The following VWA8 variants were observed in gnomAD, a reference collection of about 807,000 sequenced individuals.
The protein encoded by VWA8 is von Willebrand factor A domain containing 8.
A neutral mutation model predicts 241.5 loss-of-function variants in VWA8; 221 were observed. That is an observed-to-expected ratio of 0.91 (90% confidence interval 0.82 to 1.02). The LOEUF is 1.02. Among genes scored for constraint, VWA8 ranks in the 50% least tolerant of loss-of-function variants. The pLI is 0.00. For synonymous variants in VWA8, 852 were observed against 827.1 expected (o/e 1.03, Z -0.52); for missense variants, 2,322 against 2,328.7 (o/e 1.00, Z 0.06).
At chr13:41,778,099 A>G in intron 19 of VWA8, 43 bp from the exon 20 acceptor site, 1 of 1,438,432 alleles carries the variant, frequency 7.0e-7, no homozygotes, top group South Asian at 1.3e-5. Flanking sequence ...TGTACAATCA[A>G]GGTTAAATAA....
intron 9 of VWA8, among the ~76,000 whole-genome samples, chr13:41,871,876 G>A (rs1253725752): frequency 6.6e-6 from 1 of 152,150 alleles, no homozygotes; most frequent in South Asian, 2.1e-4. Flanking sequence ...CTGAGAAATC[G>A]CCACACTGAC....
rs923788000 is a variant in VWA8, at chr13:41,823,645, G to A, written c.1701-4259C>T. ...TACAGGCATAGTATCTGGTGTATGT[G>A]GCCATCACACTATTTCTAACCACCA... On this transcript the variant is annotated intron_variant, in intron 14 of 44. Transcript: ENST00000379310. Among the ~76,000 whole-genome samples the A allele has an allele frequency of 2.0e-5, 3 of 152,190 alleles. No individual in the cohort carries two copies. In the South Asian group the frequency reaches 6.2e-4, roughly 32 times the overall value.
chr13:41,696,648 C>A (rs1185434799), intron 29 of VWA8, among the ~76,000 whole-genome samples: 1 of 152,116 alleles, frequency 6.6e-6, no homozygotes, highest in African/African-American at 2.4e-5. Flanking sequence ...GAGAGCTACC[C>A]TCACTGGGCA....
intron 2 of VWA8, among the ~76,000 whole-genome samples, chr13:41,919,857 G>A (rs1186108321): frequency 2.0e-5 from 3 of 152,000 alleles, no homozygotes; most frequent in Non-Finnish European, 4.4e-5. Flanking sequence ...TCCAACCCAC[G>A]TAGCTGTATA....
chr13:41,614,860 T>C lies in VWA8; in HGVS notation c.4720+116A>G, dbSNP rs2044611005. 9 of 980,320 alleles carry C rather than the reference T, an allele frequency of 9.2e-6. No homozygotes were observed. In the East Asian group the frequency reaches 2.3e-4, roughly 25 times the overall value. The allele number at this position is 980,320 out of a possible 1,614,324, so 60.7% of individuals were successfully genotyped here. A position where few individuals can be genotyped will look rare whatever the true frequency, so the allele number is the denominator to read the frequency against. ...GCAAGACAACAATCCAACTGAGTAATGAGGGAGGCTGAGAAGGAAAGCCCG... is the reference window on the plus strand; with the variant it reads ...GCAAGACAACAATCCAACTGAGTAACGAGGGAGGCTGAGAAGGAAAGCCCG... On this transcript the variant is annotated intron_variant, in intron 38 of 44. Coordinates refer to ENST00000379310, the MANE Select transcript of VWA8 (RefSeq NM_015058.2).
chr13:41,914,248 T>C (rs913151981), intron 2 of VWA8, among the ~76,000 whole-genome samples: 6 of 152,204 alleles, frequency 3.9e-5, no homozygotes, highest in Non-Finnish European at 7.3e-5. Context: ...TTCAAGTTTC[T>C]TGGGGTTAGG....
At chr13:41,628,450 C>T (rs2044706859) in intron 37 of VWA8, among the ~76,000 whole-genome samples, 5 of 152,144 alleles carry the variant, frequency 3.3e-5, no homozygotes, top group African/African-American at 1.2e-4. Flanking sequence ...AAATTATGCA[C>T]ATAAATTCAT....
intron 1 of VWA8, among the ~76,000 whole-genome samples, chr13:41,957,920 A>G (rs1878421750): frequency 6.6e-6 from 1 of 152,188 alleles, no homozygotes; most frequent in South Asian, 2.1e-4. Context: ...TCTATAGTAT[A>G]TTTGAATCCA....
intron 34 of VWA8, 72 bp downstream of exon 34, chr13:41,689,282 C>A: frequency 6.9e-7 from 1 of 1,442,360 alleles, no homozygotes; most frequent in East Asian, 2.4e-5. Flanking sequence ...ACCCCTCAAA[C>A]AGGCTTACAG....
intron 20 of VWA8, among the ~76,000 whole-genome samples, chr13:41,774,359 TC>T (rs2137924727): frequency 6.6e-6 from 1 of 152,318 alleles, no homozygotes; most frequent in African/African-American, 2.4e-5. Flanking sequence ...GCCAGGCTGG[TC>T]TCAAACTCCT....
intron 13 of VWA8, among the ~76,000 whole-genome samples, chr13:41,832,667 C>A (rs949842079): frequency 3.3e-5 from 5 of 151,730 alleles, no homozygotes; most frequent in Admixed American, 3.3e-4. Context: ...AGTTAGAGAA[C>A]CAAAATAAAC....
intron 9 of VWA8, among the ~76,000 whole-genome samples, chr13:41,880,837 T>C (rs1304561485): frequency 6.6e-6 from 1 of 152,214 alleles, no homozygotes; most frequent in East Asian, 1.9e-4. Flanking sequence ...CTTTCTTGTT[T>C]TGTAGTCAAC....
chr13:41,595,015 G>C (rs2044479179), intron 40 of VWA8, among the ~76,000 whole-genome samples: 2 of 152,196 alleles, frequency 1.3e-5, no homozygotes, highest in African/African-American at 4.8e-5. Context: ...TCATGAAATA[G>C]ATCACAGAAT....
intron 2 of VWA8, among the ~76,000 whole-genome samples, chr13:41,913,279 A>C (rs1402929504): frequency 6.6e-6 from 1 of 152,204 alleles, no homozygotes; most frequent in Non-Finnish European, 1.5e-5. Context: ...ATAACTGGAT[A>C]CCTGGGGGTA....
intron 43 of VWA8, among the ~76,000 whole-genome samples, chr13:41,574,982 A>C (rs2044341472): frequency 6.6e-6 from 1 of 152,230 alleles, no homozygotes; most frequent in African/African-American, 2.4e-5. Flanking sequence ...TAGAAGCACA[A>C]TTAGCAATTG....
At chr13:41,754,201 G>A (rs2045676822) in intron 21 of VWA8, among the ~76,000 whole-genome samples, 1 of 152,096 alleles carries the variant, frequency 6.6e-6, no homozygotes, top group African/African-American at 2.4e-5. Context: ...TGTTGCGGGA[G>A]GGACCCAGTG....
intron 37 of VWA8, among the ~76,000 whole-genome samples, chr13:41,659,307 C>T (rs116089839): frequency 4.4e-4 from 67 of 152,320 alleles, no homozygotes; most frequent in African/African-American, 1.6e-3. Context: ...CCTCCCTGTG[C>T]ATTGGTGTCT....
At position 41,649,044 on chromosome 13, in the gene VWA8, C is replaced by T. The variant is rs190888079; in HGVS notation, c.4611+21902G>A. The stretch of plus-strand genomic sequence containing the variant: ...ACTAAAAATCCAAAAAGTAGCTGGG[C>T]GTGGTGGGGGGGTGCCTGTAATCCC... On this transcript the variant is annotated intron_variant, in intron 37 of 44. Transcript: ENST00000379310. 1.3e-4 allele frequency among the ~76,000 whole-genome samples: 20 copies of T among 151,236 alleles called. 1 individual carries two copies. In the East Asian group the frequency reaches 3.3e-3, roughly 25 times the overall value.
chr13:41,682,700 C>A (rs542238536), intron 35 of VWA8, among the ~76,000 whole-genome samples: 1 of 152,098 alleles, frequency 6.6e-6, no homozygotes, highest in Non-Finnish European at 1.5e-5. Context: ...GAGCTGAAAT[C>A]GCATCACCAC....
Sources: gnomAD v4.1 joint callset for allele counts (sites outside exome capture counted in the v4.1 genomes callset) on GRCh38, gnomAD v4.1.1 for gene constraint, MANE v1.5 for transcripts, NCBI Gene and HGNC (gene_info 2026-07-23, HGNC 2026-07-21) for gene names.